Variants in ZNF343 observed in about 807,000 individuals in gnomAD.
ZNF343 encodes the protein zinc finger protein 343.
ZNF343 carries 11 observed loss-of-function variants against 13.8 expected under a neutral mutation model. The ratio of observed to expected loss-of-function variants is 0.80; its 90% confidence interval spans 0.50 to 1.32. ZNF343 has a LOEUF of 1.32. ZNF343 is among the 40% of genes most tolerant of loss of function. The probability of loss-of-function intolerance (pLI) is 0.00; values close to 1 mark genes in which losing one functional copy is unlikely to be tolerated. For synonymous variants in ZNF343, 248 were observed against 260.0 expected (o/e 0.95, Z 0.44); for missense variants, 658 against 714.2 (o/e 0.92, Z 0.90).
chr20:2,512,045 A>G (rs1044420457), upstream of ZNF343, among the ~76,000 whole-genome samples: 4 of 152,252 alleles, frequency 2.6e-5, no homozygotes, highest in Non-Finnish European at 4.4e-5. Context: ...AACGATTTGA[A>G]AATAAGAAAA....
chr20:2,494,035 C>T lies in ZNF343; in HGVS notation c.-140G>A. On this transcript the variant is annotated 5_prime_UTR_variant, in exon 3 of 6. Transcript: ENST00000278772. ...ATAAAAAGCCCAGCTTGTTTCCCTG[C>T]AGCCAGGACCTGTGGGATGAAGAAG... is the stretch of plus-strand genomic sequence containing the variant. The T allele has an allele frequency of 1.5e-6, 1 of 674,324 alleles. No individual in the cohort carries two copies. The highest frequency in any genetic ancestry group is 2.5e-5 in the East Asian group (1 of 39,342). The allele number at this position is 674,324 out of a possible 1,614,324, so 41.8% of individuals were successfully genotyped here.
chr20:2,497,819 CT>C (rs1027009975), intron 2 of ZNF343, among the ~76,000 whole-genome samples: 89 of 152,236 alleles, frequency 5.8e-4, no homozygotes, highest in African/African-American at 1.9e-3. Flanking sequence ...GTATCCTGGC[CT>C]TTCTTAATAA....
upstream of ZNF343, among the ~76,000 whole-genome samples, chr20:2,511,531 T>A (rs2085739342): frequency 6.6e-6 from 1 of 152,202 alleles, no homozygotes; most frequent in Non-Finnish European, 1.5e-5. Context: ...CTGTGCTCCA[T>A]GTGACTGTTA....
At chr20:2,512,919 CA>C (rs71193970), upstream of ZNF343, among the ~76,000 whole-genome samples, 26,468 of 125,180 alleles carry the variant, frequency 0.21, 3,756 homozygotes, top group African/African-American at 0.43. Flanking sequence ...ATTTCTCTAC[CA>C]AAAAAAAAAA....
rs750583060 is a variant in ZNF343, at chr20:2,484,516, C to T, written c.445G>A (p.Gly149Arg). The change falls in exon 6 of 6, where the codon GGG becomes AGG. Residue 149 changes from glycine to arginine, a missense_variant. Transcript: ENST00000278772. ...TGCTGCCCCTGCTGTTTCCAATGCC[C>T]TGGGCTAGAATTCCCTGGATGGAAG... is the stretch of plus-strand genomic sequence containing the variant. ...NHFHPGNSSP[G>R]HWKQQGQQYS... The T allele has an allele frequency of 1.2e-5, 19 of 1,614,124 alleles. No individual in the cohort carries two copies. The highest frequency in any genetic ancestry group is 6.7e-5 in the East Asian group (3 of 44,892).
At chr20:2,491,257 G>A (rs2085361565) in intron 5 of ZNF343, among the ~76,000 whole-genome samples, 1 of 151,940 alleles carries the variant, frequency 6.6e-6, no homozygotes, top group Admixed American at 6.6e-5. Flanking sequence ...ATACAACCAG[G>A]TTTCAAAGAC....
intron 5 of ZNF343, among the ~76,000 whole-genome samples, chr20:2,485,814 C>T (rs2085272630): frequency 6.6e-6 from 1 of 152,202 alleles, no homozygotes; most frequent in South Asian, 2.1e-4. Context: ...GCCAGAGGAA[C>T]ACAGCTGTGT....
chr20:2,515,037 G>C (rs2085753590), intron 1 of ZNF343, among the ~76,000 whole-genome samples: 1 of 148,562 alleles, frequency 6.7e-6, no homozygotes, highest in South Asian at 2.1e-4. Context: ...GAAAGAAGAA[G>C]GAAGGAAGGA....
Position 2,485,238 on chromosome 20 carries a change from T to C in ZNF343, c.305-582A>G, listed in dbSNP as rs373729603. ...CTACTAAGTATTATGAATTCAGTAATGAACAAGAAAGACATGGTCCATGAT... is the reference window on the plus strand; with the variant it reads ...CTACTAAGTATTATGAATTCAGTAACGAACAAGAAAGACATGGTCCATGAT... On this transcript the variant is annotated intron_variant, in intron 5 of 5. Transcript: ENST00000278772. Among the ~76,000 whole-genome samples the C allele has an allele frequency of 3.9e-5, 6 of 152,300 alleles. No homozygotes were observed. In the East Asian group the frequency reaches 1.2e-3, roughly 29 times the overall value.
chr20:2,491,068 A>G (rs1366311189), intron 5 of ZNF343, among the ~76,000 whole-genome samples: 8 of 152,186 alleles, frequency 5.3e-5, no homozygotes, highest in African/African-American at 1.9e-4. Context: ...CAAACTCCCA[A>G]AGAAACTCCT....
At chr20:2,501,983 GAGA>G (rs1315590709) in intron 1 of ZNF343, among the ~76,000 whole-genome samples, 1 of 152,200 alleles carries the variant, frequency 6.6e-6, no homozygotes, top group African/African-American at 2.4e-5. Flanking sequence ...GACAAGTTGA[GAGA>G]AGAAGGCTTC....
chr20:2,490,794 CA>C (rs2122591726), intron 5 of ZNF343, among the ~76,000 whole-genome samples: 1 of 152,172 alleles, frequency 6.6e-6, no homozygotes, highest in South Asian at 2.1e-4. Context: ...AAAATAAAAA[CA>C]AAACCTAGTT....
chr20:2,510,967 T>G (rs2085736118), upstream of ZNF343, among the ~76,000 whole-genome samples: 1 of 152,186 alleles, frequency 6.6e-6, no homozygotes, highest in Non-Finnish European at 1.5e-5. Flanking sequence ...GTTCTCATTG[T>G]CCACATGCAA....
At position 2,483,535 on chromosome 20, in the gene ZNF343, G is replaced by C. The variant is rs200449940; in HGVS notation, c.1426C>G (p.Arg476Gly). ...VCGECGRGFS[R>G]KSLLLVHQRT... ...TGGTGGACAAGGAGGAGTGATTTCC[G>C]ACTAAAGCCTCGGCCACACTCACCA... The change falls in exon 6 of 6, where the codon CGG becomes GGG. Residue 476 changes from arginine (R) to glycine (G), a missense_variant. Arg to Gly is a moderately radical substitution (Grantham distance 125). Transcript: ENST00000278772. The C allele has an allele frequency of 1.2e-6, 2 of 1,605,358 alleles. No homozygotes were observed. The highest frequency in any genetic ancestry group is 1.7e-6 in the Non-Finnish European group (2 of 1,177,972).
At chr20:2,520,760 C>G (rs372655587) in intron 1 of ZNF343, among the ~76,000 whole-genome samples, 2 of 152,186 alleles carry the variant, frequency 1.3e-5, no homozygotes, top group Non-Finnish European at 2.9e-5. Flanking sequence ...TCGTCTTCTA[C>G]GCCGAAAAGT....
chr20:2,483,969 C>A lies in ZNF343; in HGVS notation c.992G>T (p.Gly331Val). The A allele has an allele frequency of 6.2e-7, 1 of 1,614,188 alleles. No homozygotes were observed. The highest frequency in any genetic ancestry group is 8.5e-7 in the Non-Finnish European group (1 of 1,180,030). ...EEKPYLCREC[G>V]QSFRSKSILN... ...GATGGACTTACTTCTAAAGCTTTGCCCACACTCCCTGCACAAATAAGGCTT... is the reference window on the plus strand; with the variant it reads ...GATGGACTTACTTCTAAAGCTTTGCACACACTCCCTGCACAAATAAGGCTT... The change falls in exon 6 of 6, where the codon GGG (glycine) becomes GTG (valine). Residue 331 changes from glycine to valine, a missense_variant. Physicochemically the swap from Gly to Val is moderately radical, Grantham distance 109. Coordinates refer to ENST00000278772, the MANE Select transcript of ZNF343 (RefSeq NM_024325.6).
intron 1 of ZNF343, among the ~76,000 whole-genome samples, chr20:2,513,931 T>A (rs1169249181): frequency 6.6e-6 from 1 of 152,168 alleles, no homozygotes; most frequent in Non-Finnish European, 1.5e-5. Flanking sequence ...AATAGGCAGA[T>A]CCATGGAGAC....
At position 2,488,248 on chromosome 20, in the gene ZNF343, G is replaced by A. The variant is rs62192946; in HGVS notation, c.305-3592C>T. ...CCCCATCCTATCCTAGTGTGTTTACGGTTTAATTTTTTACATTTAGATCTC... is the reference window on the plus strand; with the variant it reads ...CCCCATCCTATCCTAGTGTGTTTACAGTTTAATTTTTTACATTTAGATCTC... On this transcript the variant is annotated intron_variant, in intron 5 of 5. Coordinates refer to ENST00000278772, the MANE Select transcript of ZNF343 (RefSeq NM_024325.6). Among the ~76,000 whole-genome samples the A allele has an allele frequency of 3.6e-3, 549 of 151,832 alleles. 11 individuals carry two copies. Among genetic ancestry groups the A allele is most frequent in the Non-Finnish European group, 2.3e-3 (155 of 67,962 alleles).
intron 5 of ZNF343, among the ~76,000 whole-genome samples, chr20:2,485,011 A>C (rs964840638): frequency 3.9e-5 from 6 of 152,172 alleles, no homozygotes; most frequent in Non-Finnish European, 4.4e-5. Flanking sequence ...ACACATGTGG[A>C]AATCTCCTTC....
Sources: allele counts gnomAD v4.1 joint callset (sites outside exome capture counted in the v4.1 genomes callset), GRCh38; gene constraint gnomAD v4.1.1; transcripts MANE v1.5; gene names NCBI Gene and HGNC (gene_info 2026-07-23, HGNC 2026-07-21).